Variants in FYTTD1 observed in about 807,000 individuals in gnomAD.
The protein encoded by FYTTD1 is UAP56-interacting factor.
In FYTTD1, 22 loss-of-function variants were observed where a neutral mutation model predicts 40.9. The ratio of observed to expected loss-of-function variants is 0.54; its 90% CI spans 0.38 to 0.77. The LOEUF (loss-of-function observed/expected upper bound fraction) is 0.77. Among genes scored for constraint, FYTTD1 ranks in the 30% least tolerant of loss-of-function variants. The pLI, the probability that FYTTD1 is intolerant of heterozygous loss-of-function variation, is 0.00. For missense variants in FYTTD1, 351 were observed against 392.2 expected, an observed-to-expected ratio of 0.90 and a Z score of 0.89; for synonymous variants, 140 against 137.9, an observed-to-expected ratio of 1.01 and a Z score of -0.10.
chr3:197,766,422 T>G (rs1307310715), intron 2 of FYTTD1, among the ~76,000 whole-genome samples: 2 of 148,818 alleles, frequency 1.3e-5, no homozygotes, highest in African/African-American at 5.1e-5. Flanking sequence ...TGTGTCGTGT[T>G]TGAGACTGGT....
chr3:197,756,297 TATC>T, intron 1 of FYTTD1, 126 bp from the exon 2 acceptor site: 1 of 680,746 alleles, frequency 1.5e-6, no homozygotes, highest in Admixed American at 2.7e-5. Flanking sequence ...TTCTTGTTAT[TATC>T]CTCTTATGGA....
intron 1 of FYTTD1, chr3:197,750,779 A>C (rs1402418280): frequency 2.0e-6 from 2 of 985,424 alleles, no homozygotes; most frequent in Non-Finnish European, 2.4e-6. Context: ...GAAAGCAAAC[A>C]TCTTTGAAGG....
At chr3:197,777,335 C>T (rs921183578) in intron 7 of FYTTD1, among the ~76,000 whole-genome samples, 27 of 152,192 alleles carry the variant, frequency 1.8e-4, no homozygotes, top group African/African-American at 6.5e-4. Flanking sequence ...TGGCTTATTG[C>T]AGTCTTGACC....
intron 2 of FYTTD1, among the ~76,000 whole-genome samples, chr3:197,757,537 C>T (rs1174511877): frequency 6.6e-6 from 1 of 152,168 alleles, no homozygotes; most frequent in Non-Finnish European, 1.5e-5. Context: ...CCTGTAATCC[C>T]AGAACTTTGG....
chr3:197,763,389 G>A (rs1729447585), intron 2 of FYTTD1: 1 of 315,940 alleles, frequency 3.2e-6, no homozygotes, highest in African/African-American at 2.3e-5. Flanking sequence ...ACTCCAGCCT[G>A]GGCGACAGAG....
intron 2 of FYTTD1, among the ~76,000 whole-genome samples, chr3:197,766,304 A>G (rs1729543534): frequency 6.6e-6 from 1 of 152,196 alleles, no homozygotes; most frequent in Admixed American, 6.5e-5. Context: ...AATTAGAACT[A>G]ACTGAAATGA....
intron 3 of FYTTD1, among the ~76,000 whole-genome samples, chr3:197,768,790 T>G (rs973725772): frequency 6.6e-6 from 1 of 151,996 alleles, no homozygotes; most frequent in Admixed American, 6.6e-5. Flanking sequence ...AAGTAAGTTG[T>G]TTGTTTGTTT....
rs748878835 is a variant in FYTTD1, at chr3:197,755,609, CTAAT to C, written c.104-815_104-812del. The stretch of plus-strand genomic sequence containing the variant: ...TACAGGCATGCACCGCCATACCCGG[CTAAT>C]TTATTTATTTATTTATTTATTTATT... On this transcript the variant is annotated intron_variant, in intron 1 of 8. Coordinates refer to ENST00000241502, the MANE Select transcript of FYTTD1 (RefSeq NM_032288.7). 899 of 205,164 alleles carry C rather than the reference CTAAT, an allele frequency of 4.4e-3. 8 individuals are homozygous for C. The highest frequency in any genetic ancestry group is 0.016 in the African/African-American group (582 of 36,304). The allele number at this position is 205,164 out of a possible 1,614,324, so 12.7% of individuals were successfully genotyped here.
At chr3:197,760,109 G>A (rs770669110) in intron 2 of FYTTD1, among the ~76,000 whole-genome samples, 4 of 151,784 alleles carry the variant, frequency 2.6e-5, no homozygotes, top group African/African-American at 4.8e-5. Flanking sequence ...GTGGTAGAAC[G>A]TATAGAATGT....
intron 8 of FYTTD1, among the ~76,000 whole-genome samples, chr3:197,781,431 T>A (rs1209202093): frequency 6.6e-6 from 1 of 152,060 alleles, no homozygotes; most frequent in Non-Finnish European, 1.5e-5. Flanking sequence ...AAAAAACAGA[T>A]TTTCATTTGA....
At chr3:197,770,335 T>C (rs1729681451) in intron 4 of FYTTD1, 91 bp downstream of exon 4, 2 of 780,894 alleles carry the variant, frequency 2.6e-6, no homozygotes, top group African/African-American at 1.7e-5. Context: ...GTGATTTTTT[T>C]AGTTATCTGG....
intron 1 of FYTTD1, among the ~76,000 whole-genome samples, chr3:197,754,035 C>T (rs758796688): frequency 1.1e-4 from 17 of 152,134 alleles, no homozygotes; most frequent in Non-Finnish European, 1.5e-4. Flanking sequence ...CTACCGCACC[C>T]GGCCTATATG....
rs1407636352 is a variant in FYTTD1 at position 197,787,066 on chromosome 3, T to TG, written c.*5160dup. ...TGCCTGCCTCAGCTTCCCAAAGTGC[T>TG]GGGATTACAGGTGTGAGCCACCACG... On this transcript the variant is annotated 3_prime_UTR_variant, in exon 9 of 9. Coordinates refer to ENST00000241502, the MANE Select transcript of FYTTD1 (RefSeq NM_032288.7). 3 of 151,692 alleles carry TG rather than the reference T, an allele frequency of 2.0e-5. No homozygotes were observed. Among genetic ancestry groups the TG allele is most frequent in the African/African-American group, 4.9e-5 (2 of 41,228 alleles). 9.4% of individuals were successfully genotyped at this position (151,692 alleles called of 1,614,324 possible).
At chr3:197,752,797 T>C (rs1312994399) in intron 1 of FYTTD1, among the ~76,000 whole-genome samples, 1 of 152,174 alleles carries the variant, frequency 6.6e-6, no homozygotes, top group Non-Finnish European at 1.5e-5. Context: ...TTGTTGTTAT[T>C]TCCATTTTAC....
chr3:197,751,636 C>A (rs867053615), intron 1 of FYTTD1, among the ~76,000 whole-genome samples: 3 of 149,744 alleles, frequency 2.0e-5, no homozygotes, highest in African/African-American at 7.6e-5. Flanking sequence ...TGTCTCCCCC[C>A]GCTCTCCCCC....
At chr3:197,766,461 T>G (rs200273573) in intron 2 of FYTTD1, among the ~76,000 whole-genome samples, 35 of 25,894 alleles carry the variant, frequency 1.4e-3, no homozygotes, top group African/African-American at 3.5e-3. Flanking sequence ...GTGTGTGTGT[T>G]TGAGACAGGG....
chr3:197,756,645 T>G, intron 2 of FYTTD1, 88 bp downstream of exon 2: 1 of 1,187,772 alleles, frequency 8.4e-7, no homozygotes. Context: ...CGTGGAGGAA[T>G]GCGTCAGTAC....
rs1446934786 is a variant in FYTTD1, at chr3:197,766,428, C to CG, written c.236-2011_236-2010insG. Among the ~76,000 whole-genome samples, 73 of 18,504 alleles carry CG rather than the reference C, an allele frequency of 3.9e-3. 1 individual carries two copies. The highest frequency in any genetic ancestry group is 0.02 in the East Asian group (3 of 152). 12.1% of individuals were successfully genotyped at this position (18,504 alleles called of 152,430 possible). On this transcript the variant is annotated intron_variant, in intron 2 of 8. Coordinates refer to ENST00000241502, the MANE Select transcript of FYTTD1 (RefSeq NM_032288.7). ...ATATAGGTGTGTGTCGTGTTTGAGA[C>CG]TGGTGTGTGTGTGTGTGTGTGTGTG... is the stretch of plus-strand genomic sequence containing the variant.
chr3:197,775,444 C>G (rs1176793807), intron 6 of FYTTD1, among the ~76,000 whole-genome samples: 2 of 152,082 alleles, frequency 1.3e-5, no homozygotes, highest in Non-Finnish European at 2.9e-5. Context: ...CTCAGATACT[C>G]AAGTCCCTTT....
Sources: gnomAD v4.1 joint callset for allele counts (sites outside exome capture counted in the v4.1 genomes callset) on GRCh38, gnomAD v4.1.1 for gene constraint, MANE v1.5 for transcripts, NCBI Gene and HGNC (gene_info 2026-07-23, HGNC 2026-07-21) for gene names.